The following PLCB1 variants were observed in gnomAD, a reference collection of about 807,000 sequenced individuals.
The protein encoded by PLCB1 is phospholipase C beta 1, also known as 1-phosphatidylinositol 4,5-bisphosphate phosphodiesterase beta-1.
Under a neutral mutation model 161.8 loss-of-function variants are expected in PLCB1, and 46 were observed. The ratio of observed to expected loss-of-function variants is 0.28; its 90% CI spans 0.22 to 0.36. PLCB1 has a LOEUF of 0.36. PLCB1 is among the 10% of genes least tolerant of loss of function. The pLI is 1.00. For synonymous variants in PLCB1, 517 were observed against 503.7 expected (o/e 1.03, Z -0.35); for missense variants, 1,016 against 1,472.5 (o/e 0.69, Z 5.07).
intron 18 of PLCB1, 180 bp downstream of exon 18, chr20:8,729,354 T>C (rs886349312): frequency 7.9e-5 from 33 of 419,134 alleles, no homozygotes; most frequent in African/African-American, 6.8e-4. Flanking sequence ...TCGAGACATG[T>C]TCTTCAATTA....
intron 2 of PLCB1, among the ~76,000 whole-genome samples, chr20:8,289,774 T>G (rs749567365): frequency 6.6e-6 from 1 of 151,974 alleles, no homozygotes; most frequent in Admixed American, 6.5e-5. Context: ...CGAGCATGAC[T>G]CAATGGGAGA....
At chr20:8,310,074 TAA>T (rs764640607) in intron 2 of PLCB1, among the ~76,000 whole-genome samples, 5 of 152,164 alleles carry the variant, frequency 3.3e-5, no homozygotes, top group Non-Finnish European at 7.4e-5. Context: ...TTTCAGTGAT[TAA>T]AAGAGAGATT....
At chr20:8,358,488 T>A (rs926944790) in intron 2 of PLCB1, among the ~76,000 whole-genome samples, 2 of 152,184 alleles carry the variant, frequency 1.3e-5, no homozygotes, top group East Asian at 1.9e-4. Context: ...TGACCTCAGG[T>A]GATCCACCCA....
intron 3 of PLCB1, among the ~76,000 whole-genome samples, chr20:8,463,990 G>A (rs1381312907): frequency 6.6e-6 from 1 of 152,114 alleles, no homozygotes; most frequent in African/African-American, 2.4e-5. Context: ...CCTCCCGGGA[G>A]TATTGTTAAA....
chr20:8,757,134 C>T lies in PLCB1; in HGVS notation c.2612C>T (p.Thr871Ile). The T allele has an allele frequency of 6.2e-7, 1 of 1,613,388 alleles. No homozygotes were observed. The highest frequency in any genetic ancestry group is 8.5e-7 in the Non-Finnish European group (1 of 1,179,468). Reference sequence around the variant, plus strand: ...GGGGTGAATCACACTACAACCCTGACACCCAAGCCACCCTCCCAGGCTCTC... The same window carrying T: ...GGGGTGAATCACACTACAACCCTGATACCCAAGCCACCCTCCCAGGCTCTC... ...ENGVNHTTTL[T>I]PKPPSQALHS... The change falls in exon 24 of 32, where the codon ACA becomes ATA. Residue 871 changes from threonine to isoleucine, a missense_variant. Around this residue, in one of 10 missense-constraint regions of PLCB1, gnomAD observed 398 missense variants for 445.4 expected, o/e 0.89. Coordinates refer to ENST00000338037, the MANE Select transcript of PLCB1 (RefSeq NM_015192.4).
At chr20:8,276,743 G>T (rs557336811) in intron 2 of PLCB1, among the ~76,000 whole-genome samples, 2 of 152,094 alleles carry the variant, frequency 1.3e-5, no homozygotes, top group South Asian at 4.2e-4. Context: ...TGCATCCTTT[G>T]TGCCCATCTT....
At chr20:8,280,215 A>G (rs1982804900) in intron 2 of PLCB1, among the ~76,000 whole-genome samples, 1 of 152,034 alleles carries the variant, frequency 6.6e-6, no homozygotes. Context: ...AGGAGCCTGT[A>G]ATCCCAGCTA....
intron 25 of PLCB1, among the ~76,000 whole-genome samples, chr20:8,762,267 G>C (rs934537305): frequency 1.3e-5 from 2 of 152,108 alleles, no homozygotes; most frequent in African/African-American, 4.8e-5. Context: ...CATACAACAA[G>C]AGACAGCAGT....
At chr20:8,257,514 C>T (rs1981488438) in intron 2 of PLCB1, among the ~76,000 whole-genome samples, 1 of 152,150 alleles carries the variant, frequency 6.6e-6, no homozygotes. Context: ...CAAAGACAGA[C>T]TGCTTGCGTT....
intron 3 of PLCB1, among the ~76,000 whole-genome samples, chr20:8,502,057 C>A (rs1022144503): frequency 1.3e-5 from 2 of 151,382 alleles, no homozygotes; most frequent in East Asian, 3.9e-4. Flanking sequence ...AGCTTCATTT[C>A]ATTTGTTAAA....
chr20:8,188,402 A>G (rs1280888589), intron 2 of PLCB1, among the ~76,000 whole-genome samples: 4 of 151,748 alleles, frequency 2.6e-5, no homozygotes, highest in Admixed American at 2.6e-4. Flanking sequence ...GAACACAATT[A>G]TGATGATTGC....
At chr20:8,323,892 A>G (rs1985025596) in intron 2 of PLCB1, among the ~76,000 whole-genome samples, 1 of 152,018 alleles carries the variant, frequency 6.6e-6, no homozygotes, top group Non-Finnish European at 1.5e-5. Flanking sequence ...AATTTAATGT[A>G]TCAACAATTA....
Position 8,717,651 on chromosome 20 carries a change from A to G in PLCB1, c.1336-20A>G. The G allele has an allele frequency of 6.3e-7, 1 of 1,586,520 alleles. No individual in the cohort carries two copies. Among genetic ancestry groups the G allele is most frequent in the South Asian group, 1.2e-5 (1 of 86,836 alleles). ...AGAGGGAGCAGTATTTTTAAAGAAT[A>G]TGCCTTTCATTTCTATTAGCTGGAA... is the stretch of plus-strand genomic sequence containing the variant. On this transcript the variant is annotated intron_variant, in intron 13 of 31. Coordinates refer to ENST00000338037, the MANE Select transcript of PLCB1 (RefSeq NM_015192.4).
At chr20:8,693,364 C>A (rs1420245584) in intron 10 of PLCB1, among the ~76,000 whole-genome samples, 1 of 152,148 alleles carries the variant, frequency 6.6e-6, no homozygotes, top group Non-Finnish European at 1.5e-5. Flanking sequence ...CAAGAAAGCA[C>A]CATGGTTTCA....
At chr20:8,798,819 G>A in intron 31 of PLCB1, among the ~76,000 whole-genome samples, 1 of 152,204 alleles carries the variant, frequency 6.6e-6, no homozygotes, top group Non-Finnish European at 1.5e-5. Context: ...GGAACTCTGG[G>A]AAATATAGTT....
At chr20:8,686,908 C>G (rs1042050739) in intron 10 of PLCB1, among the ~76,000 whole-genome samples, 3 of 152,054 alleles carry the variant, frequency 2.0e-5, no homozygotes, top group Non-Finnish European at 4.4e-5. Flanking sequence ...CAATTTGGAC[C>G]CTGAACATTG....
chr20:8,339,468 T>C (rs1361720337), intron 2 of PLCB1, among the ~76,000 whole-genome samples: 1 of 152,186 alleles, frequency 6.6e-6, no homozygotes, highest in African/African-American at 2.4e-5. Context: ...GCTCATTTAC[T>C]CCCAGAACTG....
intron 2 of PLCB1, among the ~76,000 whole-genome samples, chr20:8,355,467 CT>C (rs1283742457): frequency 6.6e-6 from 1 of 152,134 alleles, no homozygotes; most frequent in Admixed American, 6.6e-5. Flanking sequence ...TCTCTGTCCT[CT>C]TTAAAAAGGA....
intron 31 of PLCB1, among the ~76,000 whole-genome samples, chr20:8,880,494 G>A (rs180825391): frequency 6.6e-6 from 1 of 151,706 alleles, no homozygotes. Context: ...AGTTTACAAG[G>A]CAAATAAAAA....
Sources: gnomAD v4.1 joint callset for allele counts (sites outside exome capture counted in the v4.1 genomes callset) on GRCh38, gnomAD v4.1.1 for gene constraint, gnomAD v4.1.1 regional missense constraint, MANE v1.5 for transcripts, NCBI Gene and HGNC (gene_info 2026-07-23, HGNC 2026-07-21) for gene names.